Variants in LIN9 observed in about 807,000 individuals in gnomAD.
LIN9 encodes protein lin-9 homolog.
A neutral mutation model predicts 78.0 loss-of-function variants in LIN9; 18 were observed. That is an observed-to-expected ratio of 0.23 (90% CI 0.16 to 0.34). LIN9 has a LOEUF of 0.34. Among genes scored for constraint, LIN9 ranks in the 10% least tolerant of loss-of-function variants. The pLI is 1.00. For synonymous variants in LIN9, 192 were observed against 215.2 expected (o/e 0.89, Z 0.94); for missense variants, 451 against 644.1 (o/e 0.70, Z 3.25).
chr1:226,280,482 A>G (rs920948007), intron 6 of LIN9, among the ~76,000 whole-genome samples: 1 of 152,206 alleles, frequency 6.6e-6, no homozygotes, highest in Non-Finnish European at 1.5e-5. Context: ...GTAGTACTAT[A>G]AAAACAGACT....
At chr1:226,273,805 A>G (rs1660457050) in intron 7 of LIN9, among the ~76,000 whole-genome samples, 1 of 151,036 alleles carries the variant, frequency 6.6e-6, no homozygotes, top group South Asian at 2.1e-4. Context: ...ACAATGGGCT[A>G]GGAACTACAA....
At chr1:226,245,062 A>G (rs924419208) in intron 11 of LIN9, among the ~76,000 whole-genome samples, 2 of 152,208 alleles carry the variant, frequency 1.3e-5, no homozygotes, top group East Asian at 3.9e-4. Flanking sequence ...ATATTGCCAA[A>G]GCACCTGTAG....
chr1:226,244,538 G>C (rs111982229), intron 11 of LIN9, among the ~76,000 whole-genome samples: 44 of 152,156 alleles, frequency 2.9e-4, no homozygotes, highest in Non-Finnish European at 5.4e-4. Flanking sequence ...AATACATTCT[G>C]ATAAAAAACC....
At chr1:226,309,330 G>T (rs1486521366), upstream of LIN9, 23 of 997,530 alleles carry the variant, frequency 2.3e-5, no homozygotes, top group Non-Finnish European at 2.6e-5. Context: ...TGCCGCCGAA[G>T]GGGGGCCGCG....
intron 8 of LIN9, among the ~76,000 whole-genome samples, chr1:226,266,571 GA>G (rs944173694): frequency 6.7e-5 from 8 of 119,320 alleles, no homozygotes; most frequent in Non-Finnish European, 1.2e-4. Flanking sequence ...ACCTCCAGAA[GA>G]AAAAAAGAAA....
At chr1:226,288,298 A>G (rs185291061) in intron 4 of LIN9, among the ~76,000 whole-genome samples, 57 of 152,162 alleles carry the variant, frequency 3.7e-4, no homozygotes, top group Admixed American at 3.3e-3. Context: ...TAACCTAATA[A>G]AACATTTCTC....
At chr1:226,297,451 C>T (rs1429894907) in intron 3 of LIN9, among the ~76,000 whole-genome samples, 1 of 151,938 alleles carries the variant, frequency 6.6e-6, no homozygotes, top group Non-Finnish European at 1.5e-5. Context: ...AAATTTTTTG[C>T]GTATCTAATA....
intron 10 of LIN9, among the ~76,000 whole-genome samples, chr1:226,259,512 C>T (rs1004020550): frequency 3.9e-5 from 6 of 152,184 alleles, no homozygotes; most frequent in South Asian, 2.1e-4. Context: ...TACTCAAGGT[C>T]GTGCGGAAAA....
chr1:226,292,996 T>C (rs1277147561), intron 4 of LIN9, among the ~76,000 whole-genome samples: 2 of 152,206 alleles, frequency 1.3e-5, no homozygotes, highest in African/African-American at 2.4e-5. Context: ...ATGAAGTGCT[T>C]AGAACAGGAC....
rs1315376373 is a variant in LIN9 at position 226,275,691 on chromosome 1, C to CAA, written c.682+2083_682+2084insTT. Among the ~76,000 whole-genome samples, 72 of 43,258 alleles carry CAA rather than the reference C, an allele frequency of 1.7e-3. 2 individuals are homozygous for CAA. Among genetic ancestry groups the CAA allele is most frequent in the African/African-American group, 2.0e-3 (21 of 10,300 alleles). The allele number at this position is 43,258 out of a possible 152,430, so 28.4% of individuals were successfully genotyped here. Reference sequence around the variant, plus strand: ...CTGGCAACAGAGCAAGACTCCGTCTCAGAAAAAAAAAAAAAAAAAAAGAAA... The same window carrying CAA: ...CTGGCAACAGAGCAAGACTCCGTCTCAAAGAAAAAAAAAAAAAAAAAAAGAAA... On this transcript the variant is annotated intron_variant, in intron 7 of 14. Transcript: ENST00000681046.
chr1:226,306,638 A>C (rs1662934150), intron 1 of LIN9, among the ~76,000 whole-genome samples: 1 of 152,208 alleles, frequency 6.6e-6, no homozygotes, highest in Admixed American at 6.5e-5. Flanking sequence ...AATACATGTA[A>C]TATCCTTTGC....
At chr1:226,259,517 G>A (rs1389708707) in intron 10 of LIN9, among the ~76,000 whole-genome samples, 4 of 152,002 alleles carry the variant, frequency 2.6e-5, no homozygotes, top group Non-Finnish European at 4.4e-5. Context: ...AAGGTCGTGC[G>A]GAAAATTCAT....
intron 10 of LIN9, among the ~76,000 whole-genome samples, chr1:226,258,952 T>C (rs1056949256): frequency 4.8e-5 from 6 of 125,062 alleles, no homozygotes; most frequent in Non-Finnish European, 8.4e-5. Flanking sequence ...AAGGGGTCAA[T>C]GTTCCAAGAA....
intron 7 of LIN9, among the ~76,000 whole-genome samples, chr1:226,274,683 T>C (rs1321974378): frequency 6.6e-6 from 1 of 151,944 alleles, no homozygotes; most frequent in Non-Finnish European, 1.5e-5. Context: ...ATTTTTTTCC[T>C]ACCTGTTTTC....
At chr1:226,260,628 GTTTTTTTTTTTTTTTTTTT>G (rs559460640) in intron 10 of LIN9, among the ~76,000 whole-genome samples, 2 of 73,430 alleles carry the variant, frequency 2.7e-5, no homozygotes, top group Non-Finnish European at 5.1e-5. Context: ...GGCCAAATGA[GTTTTTTTTTTTTTTTTTTT>G]TTTTTTTTTT....
At position 226,265,947 on chromosome 1, in the gene LIN9, GA is replaced by G. The variant is rs1418408845; in HGVS notation, c.936+265del. Among the ~76,000 whole-genome samples, 1 of 152,140 alleles carries G rather than the reference GA, an allele frequency of 6.6e-6. No individual in the cohort carries two copies. Among genetic ancestry groups the G allele is most frequent in the Non-Finnish European group, 1.5e-5 (1 of 68,028 alleles). On this transcript the variant is annotated intron_variant, in intron 9 of 14. Coordinates refer to ENST00000681046, the MANE Select transcript of LIN9 (RefSeq NM_001366245.2). The surrounding 1 kb of genome is among the most constrained non-coding windows in gnomAD (Gnocchi z 4.1). ...CTGCCTCAGCCTCCCAAAGTGCTGG[GA>G]TTACAGGCGTGAGCCACTGCGCCCG...
chr1:226,288,305 T>A (rs772680694), intron 4 of LIN9, among the ~76,000 whole-genome samples: 10 of 152,018 alleles, frequency 6.6e-5, no homozygotes, highest in Middle Eastern at 3.2e-3. Flanking sequence ...ATAAAACATT[T>A]CTCCCCACTC....
At chr1:226,308,053 T>C (rs895207718) in intron 1 of LIN9, among the ~76,000 whole-genome samples, 2 of 152,218 alleles carry the variant, frequency 1.3e-5, no homozygotes, top group African/African-American at 4.8e-5. Flanking sequence ...GTATGTTGAG[T>C]CCTCATTTTT....
chr1:226,252,318 A>AAATAAATAAATAAATG (rs377430075), intron 10 of LIN9, among the ~76,000 whole-genome samples: 17 of 136,002 alleles, frequency 1.2e-4, no homozygotes, highest in Admixed American at 3.0e-4. Context: ...ATAAATAAAT[A>AAATAAATAAATAAATG]AATGAATGAA....
Sources: allele counts gnomAD v4.1 joint callset (sites outside exome capture counted in the v4.1 genomes callset), GRCh38; gene constraint gnomAD v4.1.1; non-coding constraint Gnocchi (gnomAD v3.1); transcripts MANE v1.5; gene names NCBI Gene and HGNC (gene_info 2026-07-23, HGNC 2026-07-21).